SMARCC1: variants seen among roughly 807,000 people sequenced by gnomAD.
SMARCC1 encodes SWI/SNF complex subunit SMARCC1.
In SMARCC1, 43 loss-of-function variants were observed where a neutral mutation model predicts 147.4. The ratio of observed to expected loss-of-function variants is 0.29; its 90% CI spans 0.23 to 0.38. The LOEUF (loss-of-function observed/expected upper bound fraction) is 0.38, where lower values mean the gene tolerates loss of function less well. Among genes scored for constraint, SMARCC1 ranks in the 10% least tolerant of loss-of-function variants. SMARCC1 has a pLI of 1.00. For synonymous variants in SMARCC1, 495 were observed against 484.4 expected (o/e 1.02, Z -0.29); for missense variants, 1,119 against 1,381.1 (o/e 0.81, Z 3.01).
chr3:47,738,191 A>C, intron 3 of SMARCC1, 81 bp from the exon 4 acceptor site: 1 of 832,744 alleles, frequency 1.2e-6, no homozygotes, highest in Non-Finnish European at 1.9e-6. Flanking sequence ...TTCGATGCAA[A>C]TGAGTTAGAA....
intron 5 of SMARCC1, among the ~76,000 whole-genome samples, chr3:47,732,778 T>C (rs1576425304): frequency 6.6e-6 from 1 of 152,138 alleles, no homozygotes; most frequent in East Asian, 1.9e-4. Context: ...TAGTATCAAA[T>C]AGCACCTATC....
intron 19 of SMARCC1, among the ~76,000 whole-genome samples, chr3:47,668,904 C>A (rs1452344819): frequency 2.7e-5 from 4 of 150,898 alleles, no homozygotes; most frequent in African/African-American, 9.7e-5. Flanking sequence ...AAAAAAGGTA[C>A]GATGCTATTT....
chr3:47,590,726 C>A lies in SMARCC1; in HGVS notation c.3155G>T (p.Gly1052Val), dbSNP rs1030028940. The A allele has an allele frequency of 1.3e-6, 2 of 1,587,842 alleles. No individual in the cohort carries two copies. The highest frequency in any genetic ancestry group is 1.1e-5 in the South Asian group (1 of 87,096). The part of the protein sequence containing the change: ...HPSGSGPTPP[G>V]MPPMPGNILG... Reference sequence around the variant, plus strand: ...GATGTTTCCTGGCATTGGTGGCATGCCAGGAGGGGTAGGGCCACTCCCAGA... The same window carrying A: ...GATGTTTCCTGGCATTGGTGGCATGACAGGAGGGGTAGGGCCACTCCCAGA... The change falls in exon 27 of 28, where the codon GGC becomes GTC. Residue 1052 changes from glycine to valine, a missense_variant. Around this residue, in one of 6 missense-constraint regions of SMARCC1, gnomAD observed 186 missense variants for 216.5 expected, o/e 0.86. Coordinates refer to ENST00000254480, the MANE Select transcript of SMARCC1 (RefSeq NM_003074.4).
At chr3:47,753,223 G>A (rs1169249539) in intron 2 of SMARCC1, among the ~76,000 whole-genome samples, 1 of 151,068 alleles carries the variant, frequency 6.6e-6, no homozygotes, top group African/African-American at 2.4e-5. Flanking sequence ...TACTCAGGAG[G>A]ATGAGACAGG....
intron 25 of SMARCC1, among the ~76,000 whole-genome samples, chr3:47,614,052 G>A (rs961541000): frequency 6.6e-6 from 1 of 152,200 alleles, no homozygotes; most frequent in Non-Finnish European, 1.5e-5. Context: ...TGAAATATCA[G>A]CTGAGACTTG....
At chr3:47,605,949 G>C (rs1374534018) in intron 26 of SMARCC1, among the ~76,000 whole-genome samples, 1 of 150,754 alleles carries the variant, frequency 6.6e-6, no homozygotes, top group Non-Finnish European at 1.5e-5. Flanking sequence ...GGTTACACAT[G>C]AATATTCTCT....
intron 22 of SMARCC1, among the ~76,000 whole-genome samples, chr3:47,638,078 C>T (rs2032994775): frequency 6.6e-6 from 1 of 152,094 alleles, no homozygotes; most frequent in Non-Finnish European, 1.5e-5. Context: ...ATTCGATATT[C>T]ACAAGAACCA....
chr3:47,686,502 G>A (rs886741691), intron 13 of SMARCC1, among the ~76,000 whole-genome samples: 5 of 152,090 alleles, frequency 3.3e-5, no homozygotes, highest in Admixed American at 6.6e-5. Context: ...CCCAGATCTC[G>A]TTCCATAATA....
At chr3:47,678,465 TTA>T in intron 15 of SMARCC1, 154 bp from the exon 16 acceptor site, 1 of 430,318 alleles carries the variant, frequency 2.3e-6, no homozygotes, top group Non-Finnish European at 4.2e-6. Context: ...ACATTTAAAG[TTA>T]TGAGTGAATT....
intron 1 of SMARCC1, among the ~76,000 whole-genome samples, chr3:47,775,396 G>A (rs1383337210): frequency 2.0e-5 from 3 of 149,634 alleles, no homozygotes; most frequent in East Asian, 2.0e-4. Flanking sequence ...TCCTGACCTC[G>A]TGATTCGCCT....
intron 26 of SMARCC1, among the ~76,000 whole-genome samples, chr3:47,599,668 G>A (rs2032354419): frequency 6.6e-6 from 1 of 152,188 alleles, no homozygotes; most frequent in African/African-American, 2.4e-5. Flanking sequence ...AGGTCTGGGG[G>A]AGAGGGGTCC....
intron 19 of SMARCC1, 183 bp downstream of exon 19, chr3:47,670,475 T>C: frequency 1.7e-6 from 1 of 584,858 alleles, no homozygotes; most frequent in South Asian, 2.3e-5. Flanking sequence ...GTCCCAGCTA[T>C]TCAGGACTGA....
At chr3:47,753,848 G>A (rs2034657693) in intron 2 of SMARCC1, among the ~76,000 whole-genome samples, 1 of 152,030 alleles carries the variant, frequency 6.6e-6, no homozygotes, top group Admixed American at 6.6e-5. Context: ...CCAGAAAAGG[G>A]ATGTGAAGTA....
Position 47,594,722 on chromosome 3 carries a change from A to G in SMARCC1, c.3044-3885T>C, listed in dbSNP as rs79718828. Among the ~76,000 whole-genome samples, 967 of 152,318 alleles carry G rather than the reference A, an allele frequency of 6.3e-3. 15 individuals are homozygous for G. The highest frequency in any genetic ancestry group is 0.022 in the African/African-American group (901 of 41,564). ...GTAAGTAAAGTGAAGGAAAGGGATT[A>G]GGGATAGGACTAATCCTAAAAACAC... On this transcript the variant is annotated intron_variant, in intron 26 of 27. Transcript: ENST00000254480.
At chr3:47,776,239 A>T (rs2034973400) in intron 1 of SMARCC1, among the ~76,000 whole-genome samples, 2 of 152,230 alleles carry the variant, frequency 1.3e-5, no homozygotes, top group Admixed American at 6.6e-5. Flanking sequence ...AATCTTTAAT[A>T]AGCACAGGTT....
chr3:47,680,303 T>C (rs1202673533), intron 15 of SMARCC1, 134 bp downstream of exon 15: 1 of 700,428 alleles, frequency 1.4e-6, no homozygotes, highest in Non-Finnish European at 2.5e-6. Context: ...GCTATGCAAA[T>C]GAGATATGAA....
At chr3:47,645,720 G>A (rs1278886932) in intron 21 of SMARCC1, among the ~76,000 whole-genome samples, 2 of 152,154 alleles carry the variant, frequency 1.3e-5, no homozygotes, top group African/African-American at 2.4e-5. Flanking sequence ...TTTTTGTCTC[G>A]CAAAGATATC....
intron 23 of SMARCC1, 30 bp from the exon 24 acceptor site, chr3:47,635,374 C>T (rs1229890697): frequency 7.5e-6 from 12 of 1,601,250 alleles, no homozygotes; most frequent in Admixed American, 3.4e-5. Flanking sequence ...TTGTTACTAG[C>T]GTGCCCACTC....
At chr3:47,716,584 A>G (rs185088459) in intron 7 of SMARCC1, among the ~76,000 whole-genome samples, 70 of 152,342 alleles carry the variant, frequency 4.6e-4, no homozygotes, top group African/African-American at 1.6e-3. Context: ...TATTCGATAC[A>G]TAAGGAAAAA....
Sources: allele counts gnomAD v4.1 joint callset (sites outside exome capture counted in the v4.1 genomes callset), GRCh38; gene constraint gnomAD v4.1.1; regional missense constraint gnomAD v4.1.1; transcripts MANE v1.5; gene names NCBI Gene and HGNC (gene_info 2026-07-23, HGNC 2026-07-21).